The following GRIK4 variants were observed in gnomAD, a reference collection of about 807,000 sequenced individuals.
GRIK4 encodes the protein glutamate ionotropic receptor kainate type subunit 4.
A neutral mutation model predicts 104.9 loss-of-function variants in GRIK4; 40 were observed. The observed-to-expected ratio is 0.38, with a 90% CI of 0.30 to 0.50. The LOEUF is 0.50. GRIK4 is among the 20% of genes least tolerant of loss of function. GRIK4 has a pLI of 0.93. For synonymous variants in GRIK4, 485 were observed against 524.9 expected, an observed-to-expected ratio of 0.92 and a Z score of 1.04; for missense variants, 1,047 against 1,308.1, an observed-to-expected ratio of 0.80 and a Z score of 3.08.
chr11:120,542,740 A>T (rs1948049933), intron 1 of GRIK4, among the ~76,000 whole-genome samples: 1 of 152,270 alleles, frequency 6.6e-6, no homozygotes, highest in Non-Finnish European at 1.5e-5. Context: ...CATGAAAACC[A>T]CAATGAGATG....
chr11:120,643,153 G>A (rs191571603), intron 1 of GRIK4, among the ~76,000 whole-genome samples: 230 of 152,284 alleles, frequency 1.5e-3, no homozygotes, highest in African/African-American at 5.0e-3. Flanking sequence ...TTTAGCAAGC[G>A]TATAGAGGGG....
At chr11:120,545,061 A>G (rs967208499) in intron 1 of GRIK4, among the ~76,000 whole-genome samples, 1 of 152,140 alleles carries the variant, frequency 6.6e-6, no homozygotes, top group African/African-American at 2.4e-5. Context: ...AAGGCCTCAC[A>G]GCTGGCCAGA....
chr11:120,583,408 T>C (rs1948614341), intron 1 of GRIK4, among the ~76,000 whole-genome samples: 1 of 152,180 alleles, frequency 6.6e-6, no homozygotes, highest in South Asian at 2.1e-4. Context: ...GGTGTCTCCA[T>C]CATGAAATCT....
At chr11:120,873,852 A>G (rs1954681785) in intron 9 of GRIK4, 1 of 495,428 alleles carries the variant, frequency 2.0e-6, no homozygotes, top group East Asian at 3.2e-5. Flanking sequence ...ATCCTTTGCC[A>G]CCATTGTGTG....
intron 3 of GRIK4, among the ~76,000 whole-genome samples, chr11:120,678,872 A>G (rs1950145444): frequency 6.6e-6 from 1 of 151,544 alleles, no homozygotes; most frequent in Non-Finnish European, 1.5e-5. Flanking sequence ...CGACCTTGTG[A>G]TCCACATGCC....
intron 1 of GRIK4, among the ~76,000 whole-genome samples, chr11:120,553,224 C>G (rs1188994436): frequency 1.3e-5 from 2 of 152,236 alleles, no homozygotes; most frequent in East Asian, 3.9e-4. Context: ...GGAACAGGGC[C>G]AGTGGTGAAA....
chr11:120,793,013 A>C (rs116265408), intron 3 of GRIK4, among the ~76,000 whole-genome samples: 1 of 152,198 alleles, frequency 6.6e-6, no homozygotes, highest in Admixed American at 6.5e-5. Flanking sequence ...GAGTAGTTTC[A>C]TGGAAGCCAA....
intron 3 of GRIK4, among the ~76,000 whole-genome samples, chr11:120,763,776 A>G (rs1221409143): frequency 2.0e-5 from 3 of 152,130 alleles, no homozygotes; most frequent in Non-Finnish European, 4.4e-5. Flanking sequence ...CTTAATTCTG[A>G]GTTCTAATTT....
chr11:120,554,795 G>A (rs1948172399), intron 1 of GRIK4, among the ~76,000 whole-genome samples: 1 of 152,182 alleles, frequency 6.6e-6, no homozygotes, highest in Non-Finnish European at 1.5e-5. Flanking sequence ...CTGGTCTCAA[G>A]TGATCTGCCT....
chr11:120,971,196 C>G (rs930409611), intron 19 of GRIK4, among the ~76,000 whole-genome samples: 1 of 152,158 alleles, frequency 6.6e-6, no homozygotes, highest in African/African-American at 2.4e-5. Flanking sequence ...GGCTGAAGGG[C>G]TCTTCAAAAA....
intron 3 of GRIK4, among the ~76,000 whole-genome samples, chr11:120,692,707 C>T (rs1469990823): frequency 6.6e-6 from 1 of 152,152 alleles, no homozygotes; most frequent in Non-Finnish European, 1.5e-5. Flanking sequence ...TAGTAGGAAG[C>T]TTGAACTTTG....
intron 20 of GRIK4, among the ~76,000 whole-genome samples, chr11:120,984,797 A>AAACAAACAAAC (rs113005281): frequency 0.02 from 2,995 of 148,586 alleles, 105 homozygotes; most frequent in African/African-American, 0.07. Context: ...ACAAACAAAC[A>AAACAAACAAAC]AAAATGCAGG....
At chr11:120,734,575 A>G (rs1402263460) in intron 3 of GRIK4, among the ~76,000 whole-genome samples, 1 of 152,048 alleles carries the variant, frequency 6.6e-6, no homozygotes, top group African/African-American at 2.4e-5. Context: ...TTGGATATTG[A>G]TATCTTTCTC....
In GRIK4 at chr11:120,524,217, G is replaced by A. The variant is rs951804698; in HGVS notation, c.-159+12330G>A. ...TGGGATTAGCGGCGTGAGCCACCGC[G>A]TCTGGCCGTTTCTGCATTCTTTCCC... On this transcript the variant is annotated intron_variant, in intron 1 of 20. Transcript: ENST00000527524. This position sits in a 1 kb window ranked among gnomAD's most constrained non-coding sequence, Gnocchi z 4.5. Among the ~76,000 whole-genome samples, 4 of 152,144 alleles carry A rather than the reference G, an allele frequency of 2.6e-5. No individual in the cohort carries two copies. Among genetic ancestry groups the A allele is most frequent in the African/African-American group, 7.2e-5 (3 of 41,408 alleles).
At chr11:120,814,706 G>A (rs908106560) in intron 4 of GRIK4, among the ~76,000 whole-genome samples, 1 of 152,200 alleles carries the variant, frequency 6.6e-6, no homozygotes, top group African/African-American at 2.4e-5. Context: ...AAGGCCAGAT[G>A]CCAGGCATGC....
intron 4 of GRIK4, among the ~76,000 whole-genome samples, chr11:120,810,694 C>T (rs1256581643): frequency 2.0e-5 from 3 of 152,026 alleles, no homozygotes; most frequent in Non-Finnish European, 2.9e-5. Flanking sequence ...TGGAAACCAG[C>T]TATATGGAAA....
At chr11:120,900,959 C>G (rs2156635) in intron 12 of GRIK4, among the ~76,000 whole-genome samples, 78,799 of 151,986 alleles carry the variant, frequency 0.52, 21,289 homozygotes, top group African/African-American at 0.64. Context: ...GCTGGGACCT[C>G]CTTCCCGCTG....
intron 3 of GRIK4, among the ~76,000 whole-genome samples, chr11:120,723,114 A>G (rs1443550607): frequency 6.6e-6 from 1 of 152,144 alleles, no homozygotes; most frequent in Admixed American, 6.5e-5. Context: ...TTAACTCTCA[A>G]TCTTGTTTAA....
At chr11:120,892,308 G>A (rs1180108986) in intron 11 of GRIK4, among the ~76,000 whole-genome samples, 1 of 152,206 alleles carries the variant, frequency 6.6e-6, no homozygotes, top group African/African-American at 2.4e-5. Context: ...AAGAGTTTTG[G>A]TCTCTATCCT....
Sources: gnomAD v4.1 joint callset for allele counts (sites outside exome capture counted in the v4.1 genomes callset) on GRCh38, gnomAD v4.1.1 for gene constraint, Gnocchi (gnomAD v3.1) non-coding constraint, MANE v1.5 for transcripts, NCBI Gene and HGNC (gene_info 2026-07-23, HGNC 2026-07-21) for gene names.